POLR2H: variants seen among roughly 807,000 people sequenced by gnomAD.
POLR2H encodes the protein DNA-directed RNA polymerases I, II, and III subunit RPABC3.
POLR2H carries 3 observed loss-of-function variants against 18.1 expected under a neutral mutation model. That is an observed-to-expected ratio of 0.17 (90% CI 0.08 to 0.43). POLR2H has a LOEUF of 0.43. Ranked by LOEUF, POLR2H falls within the 20% of genes least tolerant of loss-of-function variation. The pLI, the probability that POLR2H is intolerant of heterozygous loss-of-function variation, is 0.99. For missense variants in POLR2H, 103 were observed against 184.6 expected, an observed-to-expected ratio of 0.56 and a Z score of 2.56; for synonymous variants, 76 against 69.0, an observed-to-expected ratio of 1.10 and a Z score of -0.50.
At chr3:184,366,554 G>A in intron 4 of POLR2H, 163 bp from the exon 5 acceptor site, 2 of 485,842 alleles carry the variant, frequency 4.1e-6, no homozygotes, top group Non-Finnish European at 7.6e-6. Context: ...TAGCCAGGAT[G>A]GTCTCGATCT....
chr3:184,366,865 C>T (rs1577346922), intron 5 of POLR2H, 65 bp downstream of exon 5: 4 of 967,958 alleles, frequency 4.1e-6, no homozygotes, highest in East Asian at 2.5e-5. Flanking sequence ...GAGCTATGCT[C>T]CTGCTTCCTC....
intron 4 of POLR2H, among the ~76,000 whole-genome samples, chr3:184,366,043 T>C (rs1713214084): frequency 6.6e-6 from 1 of 151,832 alleles, no homozygotes; most frequent in African/African-American, 2.4e-5. Context: ...ATTACATGCT[T>C]GTGAGTTGCA....
rs1713720908 is a variant in POLR2H at position 184,368,471 on chromosome 3, T to A, written c.*177T>A. ...ACTGACTCGCCTGTGAAAGACACAGTGGGAGAGCTGAAAATGAATCAGAAG... is the reference window on the plus strand; with the variant it reads ...ACTGACTCGCCTGTGAAAGACACAGAGGGAGAGCTGAAAATGAATCAGAAG... On this transcript the variant is annotated 3_prime_UTR_variant, in exon 6 of 6. Coordinates refer to ENST00000456318, the MANE Select transcript of POLR2H (RefSeq NM_006232.5). 2.1e-6 allele frequency: 1 copy of A among 478,002 alleles called. No individual in the cohort carries two copies. The highest frequency in any genetic ancestry group is 3.7e-6 in the Non-Finnish European group (1 of 271,268). 29.6% of individuals were successfully genotyped at this position (478,002 alleles called of 1,614,324 possible).
At chr3:184,365,318 AATG>A (rs1231790927) in intron 4 of POLR2H, 92 bp downstream of exon 4, 1 of 860,400 alleles carries the variant, frequency 1.2e-6, no homozygotes, top group Non-Finnish European at 2.0e-6. Context: ...TCCTGGAATA[AATG>A]ATGATCAGCA....
At position 184,361,747 on chromosome 3, in the gene POLR2H, C is replaced by CG. The variant is rs1232407390; in HGVS notation, c.-1016dup. 1 of 177,660 alleles carries CG rather than the reference C, an allele frequency of 5.6e-6. No homozygotes were observed. The highest frequency in any genetic ancestry group is 1.2e-5 in the Non-Finnish European group (1 of 85,600). The allele number at this position is 177,660 out of a possible 1,614,324, so 11.0% of individuals were successfully genotyped here. ...CGGCCCAGCCAGGCTGGGGTCCGCG[C>CG]GGGGCCTCCCGAGAGGCGGCAAGGG... On this transcript the variant is annotated 5_prime_UTR_variant, in exon 1 of 6. Transcript: ENST00000456318. The surrounding 1 kb of genome is among the most constrained non-coding windows in gnomAD (Gnocchi z 6.6).
intron 5 of POLR2H, among the ~76,000 whole-genome samples, chr3:184,367,129 G>A (rs960806446): frequency 6.9e-6 from 1 of 143,914 alleles, no homozygotes; most frequent in African/African-American, 2.7e-5. Flanking sequence ...TGTGTGTTTT[G>A]CTACTCTGTA....
Position 184,365,203 on chromosome 3 carries a change from C to T in POLR2H, c.228C>T (p.Asn76=), listed in dbSNP as rs778526768. 1 of 1,610,862 alleles carries T rather than the reference C, an allele frequency of 6.2e-7. No homozygotes were observed. The highest frequency in any genetic ancestry group is 8.5e-7 in the Non-Finnish European group (1 of 1,177,144). Residue 76 remains asparagine, a synonymous_variant, in exon 4 of 6, where the codon AAC becomes AAT. Transcript: ENST00000456318. ...GTACCCTGGATGATGGTGAATACAACCCCACTGATGATAGGCCTTCCAGGT... is the reference window on the plus strand; with the variant it reads ...GTACCCTGGATGATGGTGAATACAATCCCACTGATGATAGGCCTTCCAGGT... The part of the protein sequence containing the change: ...EDGTLDDGEY[N]PTDDRPSRAD...
At chr3:184,366,430 C>T (rs921449165) in intron 4 of POLR2H, 17 of 206,470 alleles carry the variant, frequency 8.2e-5, no homozygotes, top group Non-Finnish European at 1.2e-4. Flanking sequence ...CTCCGCCTCC[C>T]GGGTTCACGC....
chr3:184,368,341 C>T lies in POLR2H; in HGVS notation c.*47C>T. 3 of 1,504,088 alleles carry T rather than the reference C, an allele frequency of 2.0e-6. No homozygotes were observed. The highest frequency in any genetic ancestry group is 2.7e-6 in the Non-Finnish European group (3 of 1,109,564). The allele number at this position is 1,504,088 out of a possible 1,614,324, so 93.2% of individuals were successfully genotyped here. On this transcript the variant is annotated 3_prime_UTR_variant, in exon 6 of 6. Transcript: ENST00000456318. ...TCTGCCAAGTCACTCAGGTCATGGG[C>T]ATTGTTCAAGCCTGAGTGGCAGCCG...
At position 184,361,766 on chromosome 3, in the gene POLR2H, G is replaced by C. The variant is rs1577335707; in HGVS notation, c.-1001G>C. On this transcript the variant is annotated 5_prime_UTR_variant, in exon 1 of 6. Transcript: ENST00000456318. The surrounding 1 kb of genome is among the most constrained non-coding windows in gnomAD (Gnocchi z 6.6). ...TCCGCGCGGGGCCTCCCGAGAGGCG[G>C]CAAGGGGCGCTGGGAAGGCGCAAGC... 1 of 169,026 alleles carries C rather than the reference G, an allele frequency of 5.9e-6. No individual in the cohort carries two copies. Among genetic ancestry groups the C allele is most frequent in the African/African-American group, 2.4e-5 (1 of 41,770 alleles). The allele number at this position is 169,026 out of a possible 1,614,324, so 10.5% of individuals were successfully genotyped here. A position where few individuals can be genotyped will look rare whatever the true frequency, so the allele number is the denominator to read the frequency against.
chr3:184,365,523 A>AT (rs1713084072), intron 4 of POLR2H: 1 of 379,606 alleles, frequency 2.6e-6, no homozygotes, highest in Non-Finnish European at 4.8e-6. Flanking sequence ...AAAAAAAAAA[A>AT]GGCTGGGCAT....
chr3:184,361,750 G>A lies in POLR2H; in HGVS notation c.-1017G>A. 5.6e-6 allele frequency: 1 copy of A among 177,572 alleles called. No homozygotes were observed. 11.0% of individuals were successfully genotyped at this position (177,572 alleles called of 1,614,324 possible). A position where few individuals can be genotyped will look rare whatever the true frequency, so the allele number is the denominator to read the frequency against. On this transcript the variant is annotated 5_prime_UTR_variant, in exon 1 of 6. Coordinates refer to ENST00000456318, the MANE Select transcript of POLR2H (RefSeq NM_006232.5). The surrounding 1 kb of genome is among the most constrained non-coding windows in gnomAD (Gnocchi z 6.6). ...CCCAGCCAGGCTGGGGTCCGCGCGG[G>A]GCCTCCCGAGAGGCGGCAAGGGGCG...
In POLR2H at chr3:184,363,355, T is replaced by G. The variant is rs2108592185; in HGVS notation, c.-138T>G. On this transcript the variant is annotated 5_prime_UTR_variant, in exon 2 of 6. The change abolishes an upstream ATG in the 5' untranslated region. Coordinates refer to ENST00000456318, the MANE Select transcript of POLR2H (RefSeq NM_006232.5). ...TCGCGTTACCGCTTGTTTGTGCGCATGCGCCACTCTCGTCTGGCCGCCGCG... is the reference window on the plus strand; with the variant it reads ...TCGCGTTACCGCTTGTTTGTGCGCAGGCGCCACTCTCGTCTGGCCGCCGCG... The G allele has an allele frequency of 1.4e-6, 1 of 717,254 alleles. No individual in the cohort carries two copies. Among genetic ancestry groups the G allele is most frequent in the Non-Finnish European group, 2.5e-6 (1 of 398,802 alleles). The allele number at this position is 717,254 out of a possible 1,614,324, so 44.4% of individuals were successfully genotyped here.
intron 5 of POLR2H, among the ~76,000 whole-genome samples, chr3:184,367,250 C>T (rs1713474950): frequency 6.6e-6 from 1 of 151,788 alleles, no homozygotes; most frequent in Non-Finnish European, 1.5e-5. Context: ...CTTATTAAAA[C>T]AATATGTGCT....
At chr3:184,365,511 G>GA (rs907232445) in intron 4 of POLR2H, 13,439 of 254,940 alleles carry the variant, frequency 0.053, no homozygotes, top group South Asian at 0.088. Context: ...AAAGAAGAGA[G>GA]AAAAAAAAAA....
At position 184,363,192 on chromosome 3, in the gene POLR2H, G is replaced by A. The variant is rs1298519117; in HGVS notation, c.-301G>A. 6.5e-6 allele frequency: 3 copies of A among 458,540 alleles called. No individual in the cohort carries two copies. The highest frequency in any genetic ancestry group is 1.2e-5 in the Non-Finnish European group (3 of 247,948). The allele number at this position is 458,540 out of a possible 1,614,324, so 28.4% of individuals were successfully genotyped here. ...GGGCCCCAGCGGAGCGCGAGAACCC[G>A]CTCTACAGCCTATTGCTTCCCCGCC... On this transcript the variant is annotated 5_prime_UTR_variant, in exon 2 of 6. Coordinates refer to ENST00000456318, the MANE Select transcript of POLR2H (RefSeq NM_006232.5).
intron 4 of POLR2H, among the ~76,000 whole-genome samples, chr3:184,365,848 C>T (rs1371689874): frequency 6.9e-6 from 1 of 145,246 alleles, no homozygotes; most frequent in Non-Finnish European, 1.5e-5. Context: ...TAGTGGCGGG[C>T]GCCTGTAGTC....
rs780106074 is a variant in POLR2H at position 184,368,336 on chromosome 3, A to G, written c.*42A>G. The G allele has an allele frequency of 3.9e-6, 6 of 1,521,730 alleles. No homozygotes were observed. The highest frequency in any genetic ancestry group is 3.8e-5 in the South Asian group (3 of 78,570). The allele number at this position is 1,521,730 out of a possible 1,614,324, so 94.3% of individuals were successfully genotyped here. ...GCCTCTCTGCCAAGTCACTCAGGTC[A>G]TGGGCATTGTTCAAGCCTGAGTGGC... On this transcript the variant is annotated 3_prime_UTR_variant, in exon 6 of 6. Coordinates refer to ENST00000456318, the MANE Select transcript of POLR2H (RefSeq NM_006232.5).
chr3:184,365,677 AAAG>A (rs1713110689), intron 4 of POLR2H, among the ~76,000 whole-genome samples: 1 of 150,878 alleles, frequency 6.6e-6, no homozygotes, highest in African/African-American at 2.4e-5. Flanking sequence ...TCTCAAAAAA[AAAG>A]AAAAAAATTC....
Sources: gnomAD v4.1 joint callset for allele counts (sites outside exome capture counted in the v4.1 genomes callset) on GRCh38, gnomAD v4.1.1 for gene constraint, Gnocchi (gnomAD v3.1) non-coding constraint, MANE v1.5 for transcripts, NCBI Gene and HGNC (gene_info 2026-07-23, HGNC 2026-07-21) for gene names.